Variants in CACNA1B observed in about 807,000 individuals in gnomAD.
The protein encoded by CACNA1B is calcium voltage-gated channel subunit alpha1 B.
CACNA1B carries 70 observed loss-of-function variants against 247.2 expected under a neutral mutation model. The ratio of observed to expected loss-of-function variants is 0.28; its 90% CI spans 0.23 to 0.35. The LOEUF is 0.35. CACNA1B is among the 10% of genes least tolerant of loss of function. CACNA1B has a pLI of 1.00. For synonymous variants in CACNA1B, 1,231 were observed against 1,294.4 expected, an observed-to-expected ratio of 0.95 and a Z score of 1.05; for missense variants, 2,367 against 3,197.4, an observed-to-expected ratio of 0.74 and a Z score of 6.26.
chr9:137,925,984 G>T (rs1334833438), intron 6 of CACNA1B, among the ~76,000 whole-genome samples: 2 of 147,236 alleles, frequency 1.4e-5, no homozygotes, highest in Non-Finnish European at 3.0e-5. Flanking sequence ...TTGATCTCCT[G>T]ACCTCATGAT....
chr9:138,056,995 GC>G (rs1391214667), intron 26 of CACNA1B, among the ~76,000 whole-genome samples: 1 of 143,086 alleles, frequency 7.0e-6, no homozygotes, highest in Admixed American at 6.9e-5. Context: ...GAGTGCAGTG[GC>G]GCGATCTCGG....
At chr9:137,963,349 G>A (rs975795222) in intron 10 of CACNA1B, among the ~76,000 whole-genome samples, 8 of 152,078 alleles carry the variant, frequency 5.3e-5, no homozygotes, top group East Asian at 1.9e-4. Context: ...GCCATTCTGC[G>A]TCTTTTAATT....
Position 137,928,082 on chromosome 9 carries a change from C to T in CACNA1B, c.966+10651C>T, listed in dbSNP as rs187049759. On this transcript the variant is annotated intron_variant, in intron 6 of 46. Transcript: ENST00000371372. ...ACTTATATTCATGAGGGATTTTGAT[C>T]TGTAATTTTCTTGTCTTTTTTTGTT... 4.4e-4 allele frequency among the ~76,000 whole-genome samples: 67 copies of T among 152,160 alleles called. 1 individual carries two copies. The highest frequency in any genetic ancestry group is 1.4e-3 in the Admixed American group (22 of 15,288).
intron 3 of CACNA1B, among the ~76,000 whole-genome samples, chr9:137,903,908 T>C (rs1957268152): frequency 6.6e-6 from 1 of 152,238 alleles, no homozygotes; most frequent in Non-Finnish European, 1.5e-5. Context: ...TGCTGGCTTC[T>C]GGTGTTTGTC....
At chr9:137,947,108 C>T (rs938679526) in intron 6 of CACNA1B, among the ~76,000 whole-genome samples, 1 of 152,120 alleles carries the variant, frequency 6.6e-6, no homozygotes, top group Non-Finnish European at 1.5e-5. Flanking sequence ...TACTTGGTTA[C>T]ACTCTATGTA....
In CACNA1B at chr9:138,047,443, T is replaced by C; in HGVS notation, c.3588T>C (p.Phe1196=). The C allele has an allele frequency of 1.9e-6, 3 of 1,608,168 alleles. No homozygotes were observed. Among genetic ancestry groups the C allele is most frequent in the Non-Finnish European group, 2.6e-6 (3 of 1,174,554 alleles). ...ACATTTTCACTGGTGTCTTTACCTTTGAGATGGTGATAAAGGTGAGATATG... is the reference window on the plus strand; with the variant it reads ...ACATTTTCACTGGTGTCTTTACCTTCGAGATGGTGATAAAGGTGAGATATG... ...LDYIFTGVFT[F]EMVIKMIDLG... Residue 1196 remains phenylalanine (F), a synonymous_variant, in exon 23 of 47, where the codon TTT becomes TTC. Transcript: ENST00000371372.
intron 15 of CACNA1B, among the ~76,000 whole-genome samples, chr9:137,989,012 A>G (rs1402203667): frequency 6.6e-6 from 1 of 152,194 alleles, no homozygotes; most frequent in Admixed American, 6.5e-5. Context: ...AGCTGTGCTC[A>G]TGGTGGAGCT....
Position 138,059,912 on chromosome 9 carries a change from G to A in CACNA1B, c.4668+175G>A, listed in dbSNP as rs1959663818. Among the ~76,000 whole-genome samples the A allele has an allele frequency of 6.6e-6, 1 of 152,202 alleles. No homozygotes were observed. The highest frequency in any genetic ancestry group is 1.5e-5 in the Non-Finnish European group (1 of 68,030). On this transcript the variant is annotated intron_variant, in intron 31 of 46. Transcript: ENST00000371372. This position sits in a 1 kb window ranked among gnomAD's most constrained non-coding sequence, Gnocchi z 4.2. ...AGTTTAGGGATTGGGTGTTACCTCAGCAGATGTTCTTTCTTGAATAAGAAA... is the reference window on the plus strand; with the variant it reads ...AGTTTAGGGATTGGGTGTTACCTCAACAGATGTTCTTTCTTGAATAAGAAA...
chr9:137,936,867 G>A (rs979569954), intron 6 of CACNA1B, among the ~76,000 whole-genome samples: 2 of 152,212 alleles, frequency 1.3e-5, no homozygotes, highest in African/African-American at 4.8e-5. Flanking sequence ...GTACCATGCT[G>A]TTTTGGTTAC....
rs1959637764 is a variant in CACNA1B at position 138,059,424 on chromosome 9, A to C, written c.4585-230A>C. ...AGGGCTGGGTTCTTCCTCTTTGGAC[A>C]CATGGCTCTTAGTCCTGCCTCTGCC... On this transcript the variant is annotated intron_variant, in intron 30 of 46. Transcript: ENST00000371372. This position sits in a 1 kb window ranked among gnomAD's most constrained non-coding sequence, Gnocchi z 4.2. Among the ~76,000 whole-genome samples the C allele has an allele frequency of 1.3e-5, 2 of 152,286 alleles. No homozygotes were observed. Among genetic ancestry groups the C allele is most frequent in the South Asian group, 4.1e-4 (2 of 4,824 alleles).
intron 39 of CACNA1B, among the ~76,000 whole-genome samples, chr9:138,111,776 G>T (rs1961642772): frequency 1.3e-5 from 2 of 152,102 alleles, no homozygotes; most frequent in Admixed American, 1.3e-4. Context: ...GGCCCTTCGG[G>T]TGACACAGCA....
intron 15 of CACNA1B, among the ~76,000 whole-genome samples, chr9:138,002,797 CTTTTCTTT>C (rs1958594891): frequency 1.3e-5 from 2 of 150,456 alleles, no homozygotes; most frequent in African/African-American, 4.9e-5. Flanking sequence ...TTTCTTTTTT[CTTTTCTTT>C]TCTTTTCTTT....
chr9:138,098,173 G>A (rs1321948064), intron 37 of CACNA1B, among the ~76,000 whole-genome samples: 5 of 152,210 alleles, frequency 3.3e-5, no homozygotes, highest in African/African-American at 7.2e-5. Context: ...CGTGGCTTGC[G>A]AGAACCCTGT....
intron 6 of CACNA1B, among the ~76,000 whole-genome samples, chr9:137,931,929 C>A (rs1234438280): frequency 6.6e-6 from 1 of 152,126 alleles, no homozygotes; most frequent in Non-Finnish European, 1.5e-5. Context: ...TGACCAGGAG[C>A]CCCATGACTC....
chr9:138,004,135 G>A (rs1958616814), intron 15 of CACNA1B, among the ~76,000 whole-genome samples: 1 of 152,136 alleles, frequency 6.6e-6, no homozygotes, highest in South Asian at 2.1e-4. Context: ...CTTCACATGT[G>A]CACAAGGGGA....
At position 138,010,368 on chromosome 9, in the gene CACNA1B, C is replaced by A. The variant is rs151082220; in HGVS notation, c.2160+291C>A. Among the ~76,000 whole-genome samples, 3 of 152,318 alleles carry A rather than the reference C, an allele frequency of 2.0e-5. No homozygotes were observed. The highest frequency in any genetic ancestry group is 1.3e-4 in the Admixed American group (2 of 15,306). ...GCAGGAGGGGCCTGAGCAGGAGGAG[C>A]AGCTGGTGGCCCTATCCCAGCACAG... On this transcript the variant is annotated intron_variant, in intron 17 of 46. Transcript: ENST00000371372. This position sits in a 1 kb window ranked among gnomAD's most constrained non-coding sequence, Gnocchi z 5.3.
At position 138,043,813 on chromosome 9, in the gene CACNA1B, A is replaced by C. The variant is rs1412330058; in HGVS notation, c.3326A>C (p.Lys1109Thr). The C allele has an allele frequency of 6.2e-7, 1 of 1,613,802 alleles. No homozygotes were observed. The highest frequency in any genetic ancestry group is 8.5e-7 in the Non-Finnish European group (1 of 1,179,868). The change falls in exon 21 of 47, where the codon AAG becomes ACG. Residue 1109 changes from lysine (K) to threonine (T), a missense_variant. This residue lies in a region of CACNA1B where 631 missense variants were observed against 631.1 expected (regional missense o/e 1.00). Transcript: ENST00000371372. ...VDLESQAEGK[K>T]EVEADDVMRS... ...CTGGAAAGCCAAGCAGAGGGGAAGA[A>C]GGAGGTGGAAGCGGATGACGTGATG...
intron 44 of CACNA1B, 32 bp from the exon 45 acceptor site, chr9:138,120,133 C>A (rs200416675): frequency 3.7e-5 from 57 of 1,554,700 alleles, no homozygotes; most frequent in Non-Finnish European, 4.9e-5. Flanking sequence ...CTGGTGCCTC[C>A]CCTAGGCCCA....
chr9:138,032,510 T>C (rs1038043916), intron 20 of CACNA1B, among the ~76,000 whole-genome samples: 1 of 152,186 alleles, frequency 6.6e-6, no homozygotes, highest in Non-Finnish European at 1.5e-5. Context: ...TCTTCTTTCA[T>C]AATTTACTTT....
Sources: gnomAD v4.1 joint callset for allele counts (sites outside exome capture counted in the v4.1 genomes callset) on GRCh38, gnomAD v4.1.1 for gene constraint, gnomAD v4.1.1 regional missense constraint, Gnocchi (gnomAD v3.1) non-coding constraint, MANE v1.5 for transcripts, NCBI Gene and HGNC (gene_info 2026-07-23, HGNC 2026-07-21) for gene names.